CFAP299: variants seen among roughly 807,000 people sequenced by gnomAD.
The protein encoded by CFAP299 is cilia and flagella associated protein 299.
CFAP299 carries 21 observed loss-of-function variants against 27.0 expected under a neutral mutation model. That is an observed-to-expected ratio of 0.78 (90% CI 0.55 to 1.12). The LOEUF (loss-of-function observed/expected upper bound fraction) is 1.12. CFAP299 is among the 50% of genes most tolerant of loss of function. The pLI is 0.00. For missense variants in CFAP299, 310 were observed against 276.6 expected, an observed-to-expected ratio of 1.12 and a Z score of -0.86; for synonymous variants, 104 against 98.1, an observed-to-expected ratio of 1.06 and a Z score of -0.36.
intron 3 of CFAP299, among the ~76,000 whole-genome samples, chr4:80,613,403 A>G (rs952146392): frequency 1.3e-5 from 2 of 152,164 alleles, no homozygotes; most frequent in African/African-American, 4.8e-5. Context: ...CTGATGTAGT[A>G]CGTATGTTAA....
intron 3 of CFAP299, among the ~76,000 whole-genome samples, chr4:80,839,486 C>G (rs1197646226): frequency 6.6e-6 from 1 of 152,044 alleles, no homozygotes; most frequent in African/African-American, 2.4e-5. Context: ...GGTTTGCTTC[C>G]CTCTCCCTCA....
intron 3 of CFAP299, among the ~76,000 whole-genome samples, chr4:80,690,196 A>G (rs2110014985): frequency 6.6e-6 from 1 of 151,382 alleles, no homozygotes; most frequent in East Asian, 1.9e-4. Flanking sequence ...AGCAGATCTA[A>G]TAGACATCTA....
In CFAP299 at chr4:80,758,427, G is replaced by A. The variant is rs572988979; in HGVS notation, c.334-111566G>A. ...CTCCTCTCTCTGCCAGCCGAGTCTG[G>A]GATTTTATGGGCATAGGATGGGGGG... On this transcript the variant is annotated intron_variant, in intron 3 of 5. Coordinates refer to ENST00000358105, the MANE Select transcript of CFAP299 (RefSeq NM_152770.3). 3.0e-4 allele frequency among the ~76,000 whole-genome samples: 45 copies of A among 152,220 alleles called. No individual in the cohort carries two copies. The South Asian group carries it at 3.1e-3, about 11-fold the overall frequency.
intron 2 of CFAP299, among the ~76,000 whole-genome samples, chr4:80,379,950 A>G (rs1393612073): frequency 6.6e-6 from 1 of 152,102 alleles, no homozygotes; most frequent in Non-Finnish European, 1.5e-5. Flanking sequence ...GGCCTACTGT[A>G]TCCTTACTGA....
At chr4:80,937,308 C>CTTTTTTTTTTTTTT (rs1736948672) in intron 4 of CFAP299, among the ~76,000 whole-genome samples, 2 of 90,778 alleles carry the variant, frequency 2.2e-5, no homozygotes, top group African/African-American at 5.1e-5. Context: ...CTTTTTTTTT[C>CTTTTTTTTTTTTTT]TTTCTTTTTT....
chr4:80,884,073 T>A (rs771148552), intron 4 of CFAP299, among the ~76,000 whole-genome samples: 1 of 152,160 alleles, frequency 6.6e-6, no homozygotes, highest in Non-Finnish European at 1.5e-5. Context: ...TGTGTCCATG[T>A]GGTCTCGTCA....
chr4:80,614,248 A>C (rs1414977581), intron 3 of CFAP299, among the ~76,000 whole-genome samples: 1 of 152,172 alleles, frequency 6.6e-6, no homozygotes, highest in Non-Finnish European at 1.5e-5. Context: ...GGCTACTTAG[A>C]ATATTTTAAG....
At chr4:80,413,042 T>C (rs1726804949) in intron 2 of CFAP299, among the ~76,000 whole-genome samples, 1 of 152,206 alleles carries the variant, frequency 6.6e-6, no homozygotes, top group Admixed American at 6.5e-5. Context: ...CTCATAACAT[T>C]AAGTTAAAAT....
chr4:80,505,514 C>T, intron 2 of CFAP299, among the ~76,000 whole-genome samples: 1 of 152,092 alleles, frequency 6.6e-6, no homozygotes, highest in African/African-American at 2.4e-5. Context: ...ATTATAGATG[C>T]TCTTCTATAA....
chr4:80,868,508 C>T (rs1456850423), intron 3 of CFAP299, among the ~76,000 whole-genome samples: 1 of 152,130 alleles, frequency 6.6e-6, no homozygotes, highest in Non-Finnish European at 1.5e-5. Flanking sequence ...AAGTTCTATG[C>T]GCCTCTATCT....
chr4:80,394,219 G>A (rs182498825), intron 2 of CFAP299, among the ~76,000 whole-genome samples: 23 of 152,210 alleles, frequency 1.5e-4, no homozygotes, highest in African/African-American at 2.4e-5. Context: ...AGTGTGAGAA[G>A]GGACTAATAC....
At chr4:80,832,564 G>A (rs1417842752) in intron 3 of CFAP299, among the ~76,000 whole-genome samples, 5 of 152,002 alleles carry the variant, frequency 3.3e-5, no homozygotes, top group Admixed American at 1.3e-4. Flanking sequence ...TCATATAAAC[G>A]TAAAAGTTCT....
chr4:80,545,101 A>G (rs1578578078), intron 2 of CFAP299, among the ~76,000 whole-genome samples: 1 of 137,622 alleles, frequency 7.3e-6, no homozygotes, highest in South Asian at 2.4e-4. Flanking sequence ...CTGCTTCTAA[A>G]TGGGTTTTGG....
At chr4:80,387,472 C>T (rs1725077251) in intron 2 of CFAP299, 1 of 817,844 alleles carries the variant, frequency 1.2e-6, no homozygotes, top group African/African-American at 1.7e-5. Flanking sequence ...TCCGGCTTGC[C>T]CCTTGCTATC....
rs188636491 is a variant in CFAP299 at position 80,506,600 on chromosome 4, T to C, written c.243-76493T>C. 5.0e-3 allele frequency among the ~76,000 whole-genome samples: 768 copies of C among 152,270 alleles called. 4 individuals are homozygous for C. The highest frequency in any genetic ancestry group is 0.017 in the Middle Eastern group (5 of 294). On this transcript the variant is annotated intron_variant, in intron 2 of 5. Transcript: ENST00000358105. ...AATTAGTTGTCCATATGTTGACTGATATGTTGATGTAAAGTATGCAAGAAG... is the reference window on the plus strand; with the variant it reads ...AATTAGTTGTCCATATGTTGACTGACATGTTGATGTAAAGTATGCAAGAAG...
At chr4:80,927,115 G>A (rs1421898273) in intron 4 of CFAP299, among the ~76,000 whole-genome samples, 4 of 152,074 alleles carry the variant, frequency 2.6e-5, no homozygotes, top group African/African-American at 9.7e-5. Context: ...ATTGCTTAGT[G>A]AAAAGTCAAA....
intron 2 of CFAP299, among the ~76,000 whole-genome samples, chr4:80,532,635 G>A (rs1362849006): frequency 6.6e-6 from 1 of 152,152 alleles, no homozygotes. Context: ...ACATACTATA[G>A]GTAAATTATA....
intron 2 of CFAP299, among the ~76,000 whole-genome samples, chr4:80,577,397 A>ATTTTTTTTTT (rs34922224): frequency 5.1e-5 from 5 of 98,852 alleles, no homozygotes; most frequent in Admixed American, 1.4e-4. Flanking sequence ...ATTAGAAAAC[A>ATTTTTTTTTT]TTTTTTTTTT....
rs149389749 is a variant in CFAP299, at chr4:80,768,250, C to T, written c.334-101743C>T. On this transcript the variant is annotated intron_variant, in intron 3 of 5. Transcript: ENST00000358105. The stretch of plus-strand genomic sequence containing the variant: ...TTTCACAGATGTTCTCAAGAAGTCG[C>T]ATGTTACACCTCAGAATTAGGATGG... Among the ~76,000 whole-genome samples, 948 of 152,214 alleles carry T rather than the reference C, an allele frequency of 6.2e-3. 6 individuals carry two copies. The highest frequency in any genetic ancestry group is 0.022 in the African/African-American group (894 of 41,496).
Sources: allele counts gnomAD v4.1 joint callset (sites outside exome capture counted in the v4.1 genomes callset), GRCh38; gene constraint gnomAD v4.1.1; transcripts MANE v1.5; gene names NCBI Gene and HGNC (gene_info 2026-07-23, HGNC 2026-07-21).